Variants in PLEKHA6 observed in about 807,000 individuals in gnomAD.
PLEKHA6 encodes pleckstrin homology domain containing A6.
A neutral mutation model predicts 116.7 loss-of-function variants in PLEKHA6; 60 were observed. The ratio of observed to expected loss-of-function variants is 0.51; its 90% CI spans 0.42 to 0.64. PLEKHA6 has a LOEUF of 0.64. Among genes scored for constraint, PLEKHA6 ranks in the 30% least tolerant of loss-of-function variants. PLEKHA6 has a pLI of 0.00. For missense variants in PLEKHA6, 1,338 were observed against 1,422.7 expected (o/e 0.94, Z 0.96); for synonymous variants, 489 against 556.1 (o/e 0.88, Z 1.70).
chr1:204,252,141 G>A (rs1362896800), intron 9 of PLEKHA6, among the ~76,000 whole-genome samples: 2 of 147,122 alleles, frequency 1.4e-5, no homozygotes, highest in East Asian at 2.0e-4. Context: ...TGCTAAACAC[G>A]GTTTCCAGAG....
intron 21 of PLEKHA6, among the ~76,000 whole-genome samples, chr1:204,227,624 C>T (rs1332642955): frequency 3.3e-5 from 5 of 152,122 alleles, no homozygotes; most frequent in South Asian, 2.1e-4. Flanking sequence ...TCTTTGGTTG[C>T]CCTCACTATC....
At chr1:204,335,446 C>G (rs1672612715) in intron 1 of PLEKHA6, among the ~76,000 whole-genome samples, 1 of 152,064 alleles carries the variant, frequency 6.6e-6, no homozygotes, top group Admixed American at 6.6e-5. Flanking sequence ...GAGTAGGGGA[C>G]AGGGAGGGAG....
In PLEKHA6 at chr1:204,241,755, G is replaced by A; in HGVS notation, c.2232C>T (p.Thr744=). The A allele has an allele frequency of 6.2e-7, 1 of 1,613,962 alleles. No individual in the cohort carries two copies. The highest frequency in any genetic ancestry group is 1.7e-4 in the Middle Eastern group (1 of 6,060). ...TGGGCACAAGGCTGATGTCTCTGGG[G>A]GTGTCCAGGGGCAATGTCTGGTGGG... is the stretch of plus-strand genomic sequence containing the variant. ...KDPHQTLPLD[T]PRDISLVPTR... Residue 744 remains threonine (T), a synonymous_variant, in exon 16 of 23, where the codon ACC becomes ACT. Coordinates refer to ENST00000272203, the MANE Select transcript of PLEKHA6 (RefSeq NM_014935.5).
chr1:204,239,657 A>C (rs1662527929), intron 17 of PLEKHA6, among the ~76,000 whole-genome samples: 1 of 152,184 alleles, frequency 6.6e-6, no homozygotes, highest in African/African-American at 2.4e-5. Flanking sequence ...TATGTTATCC[A>C]TCATCCTGAA....
At chr1:204,249,361 A>G (rs557806374) in intron 10 of PLEKHA6, 97 bp from the exon 11 acceptor site, 2 of 870,660 alleles carry the variant, frequency 2.3e-6, no homozygotes, top group African/African-American at 1.7e-5. Context: ...GCCTCTGGAT[A>G]CCCCCCTCCT....
intron 1 of PLEKHA6, among the ~76,000 whole-genome samples, chr1:204,351,512 T>A (rs1313666337): frequency 4.6e-5 from 7 of 152,212 alleles, no homozygotes; most frequent in Admixed American, 6.5e-5. Flanking sequence ...GCAACATGCG[T>A]GTGTCAGCGT....
intron 1 of PLEKHA6, among the ~76,000 whole-genome samples, chr1:204,336,126 T>A (rs887097018): frequency 6.6e-6 from 1 of 151,952 alleles, no homozygotes; most frequent in East Asian, 1.9e-4. Flanking sequence ...CCAAAACAGC[T>A]CTCAGTGCGG....
At chr1:204,374,400 C>G (rs982158209) in intron 1 of PLEKHA6, among the ~76,000 whole-genome samples, 1 of 152,144 alleles carries the variant, frequency 6.6e-6, no homozygotes, top group Non-Finnish European at 1.5e-5. Context: ...CTACCTAGCC[C>G]CTCTCCGGCA....
chr1:204,356,655 A>G (rs1673425717), intron 1 of PLEKHA6, among the ~76,000 whole-genome samples: 1 of 152,026 alleles, frequency 6.6e-6, no homozygotes, highest in African/African-American at 2.4e-5. Context: ...AAGTGACAAT[A>G]ATACACATCT....
chr1:204,267,164 C>A (rs983412545), intron 5 of PLEKHA6, among the ~76,000 whole-genome samples: 6 of 152,212 alleles, frequency 3.9e-5, no homozygotes, highest in Admixed American at 1.3e-4. Context: ...CCTCTTTGTG[C>A]TCATCCTCTC....
intron 1 of PLEKHA6, among the ~76,000 whole-genome samples, chr1:204,338,780 G>A (rs1032733959): frequency 5.3e-5 from 8 of 152,358 alleles, no homozygotes; most frequent in African/African-American, 1.4e-4. Context: ...GACTGCTTCT[G>A]TGGAAATGAA....
At chr1:204,334,919 A>G (rs1672587707) in intron 1 of PLEKHA6, among the ~76,000 whole-genome samples, 2 of 152,056 alleles carry the variant, frequency 1.3e-5, no homozygotes, top group Admixed American at 1.3e-4. Context: ...AAAATAAAAT[A>G]AAACCTACTC....
intron 1 of PLEKHA6, among the ~76,000 whole-genome samples, chr1:204,318,891 G>C (rs1459613461): frequency 6.6e-6 from 1 of 152,112 alleles, no homozygotes; most frequent in Non-Finnish European, 1.5e-5. Flanking sequence ...TCTCTGACTT[G>C]CCAGAGGCCA....
intron 6 of PLEKHA6, among the ~76,000 whole-genome samples, chr1:204,262,545 C>A (rs564988582): frequency 6.6e-6 from 1 of 152,226 alleles, no homozygotes; most frequent in Admixed American, 6.5e-5. Context: ...CGGATGTGAG[C>A]CTCACTCCAG....
intron 1 of PLEKHA6, among the ~76,000 whole-genome samples, chr1:204,376,278 C>G (rs528407421): frequency 6.8e-4 from 103 of 152,300 alleles, no homozygotes; most frequent in Middle Eastern, 6.8e-3. Flanking sequence ...AATTCACATT[C>G]TAAGACCCTA....
intron 1 of PLEKHA6, among the ~76,000 whole-genome samples, chr1:204,297,405 C>G (rs1306098268): frequency 1.3e-5 from 2 of 152,164 alleles, no homozygotes; most frequent in African/African-American, 4.8e-5. Flanking sequence ...AGGACAAGGT[C>G]GCTGTCCTGG....
intron 1 of PLEKHA6, among the ~76,000 whole-genome samples, chr1:204,332,404 C>T (rs1468727571): frequency 1.3e-5 from 2 of 152,156 alleles, no homozygotes; most frequent in African/African-American, 2.4e-5. Flanking sequence ...CAGAGTCTCG[C>T]TGTGTCACCC....
intron 22 of PLEKHA6, 114 bp from the exon 23 acceptor site, chr1:204,222,893 C>G (rs1659800616): frequency 6.5e-6 from 1 of 154,670 alleles, no homozygotes; most frequent in African/African-American, 2.4e-5. Context: ...GAAACCCACT[C>G]CGGTCCCTCA....
Position 204,238,449 on chromosome 1 carries a change from A to G in PLEKHA6, c.2409+2926T>C, listed in dbSNP as rs1183961789. ...GGCTTTGGTGGAAACTGAACGTTTGACTATGGGTCACCAAGTCACCATGCG... is the reference window on the plus strand; with the variant it reads ...GGCTTTGGTGGAAACTGAACGTTTGGCTATGGGTCACCAAGTCACCATGCG... On this transcript the variant is annotated intron_variant, in intron 17 of 22. Transcript: ENST00000272203. This position sits in a 1 kb window ranked among gnomAD's most constrained non-coding sequence, Gnocchi z 4.2. Among the ~76,000 whole-genome samples, 2 of 152,208 alleles carry G rather than the reference A, an allele frequency of 1.3e-5. No homozygotes were observed. The highest frequency in any genetic ancestry group is 1.5e-5 in the Non-Finnish European group (1 of 68,046).
Sources: gnomAD v4.1 joint callset for allele counts (sites outside exome capture counted in the v4.1 genomes callset) on GRCh38, gnomAD v4.1.1 for gene constraint, Gnocchi (gnomAD v3.1) non-coding constraint, MANE v1.5 for transcripts, NCBI Gene and HGNC (gene_info 2026-07-23, HGNC 2026-07-21) for gene names.